Variants in CLIC5 observed in about 807,000 individuals in gnomAD.
CLIC5 encodes the protein CLIC family member 5, also known as chloride intracellular channel protein 5.
CLIC5 carries 20 observed loss-of-function variants against 24.7 expected under a neutral mutation model. The ratio of observed to expected loss-of-function variants is 0.81; its 90% confidence interval spans 0.57 to 1.18. The LOEUF is 1.18. Among genes scored for constraint, CLIC5 ranks in the 50% most tolerant of loss-of-function variants. The pLI is 0.00. For synonymous variants in CLIC5, 159 were observed against 135.6 expected, an observed-to-expected ratio of 1.17 and a Z score of -1.20; for missense variants, 341 against 326.1, an observed-to-expected ratio of 1.05 and a Z score of -0.35.
the CLIC5 span, among the ~76,000 whole-genome samples, chr6:46,113,541 TTA>T: frequency 6.6e-6 from 1 of 152,100 alleles, no homozygotes; most frequent in Non-Finnish European, 1.5e-5. Flanking sequence ...ATGTGAGCAG[TTA>T]TATGACACCG....
the CLIC5 span, chr6:46,122,810 C>T: frequency 6.6e-6 from 1 of 152,168 alleles, no homozygotes; most frequent in Non-Finnish European, 1.5e-5. Context: ...CACCTCTATG[C>T]AAATAAACTA....
intron 6 of CLIC5, among the ~76,000 whole-genome samples, chr6:45,888,674 T>C (rs1177953997): frequency 6.6e-6 from 1 of 152,222 alleles, no homozygotes; most frequent in Non-Finnish European, 1.5e-5. Flanking sequence ...CTGTAGCATA[T>C]TTACATGACT....
intron 5 of CLIC5, among the ~76,000 whole-genome samples, chr6:45,906,048 C>G (rs1762651174): frequency 6.6e-6 from 1 of 152,164 alleles, no homozygotes; most frequent in Non-Finnish European, 1.5e-5. Flanking sequence ...TCTGGGTTCT[C>G]TTTTCTGTTC....
chr6:45,925,566 T>C (rs1253681798), intron 4 of CLIC5, among the ~76,000 whole-genome samples: 1 of 152,192 alleles, frequency 6.6e-6, no homozygotes, highest in Non-Finnish European at 1.5e-5. Context: ...CCGCCTGCCC[T>C]GGCCTCCCAA....
At chr6:46,084,852 A>G (rs1160621893), upstream of CLIC5, among the ~76,000 whole-genome samples, 1 of 152,190 alleles carries the variant, frequency 6.6e-6, no homozygotes, top group Admixed American at 6.5e-5. Context: ...TCTCCTGGAT[A>G]ATATCCTGCA....
chr6:46,074,058 A>G (rs1301321526), intron 1 of CLIC5, among the ~76,000 whole-genome samples: 1 of 152,188 alleles, frequency 6.6e-6, no homozygotes, highest in East Asian at 1.9e-4. Context: ...CATAGCAGAA[A>G]AGGAAGGAAA....
At chr6:45,927,760 A>T (rs1226367570) in intron 4 of CLIC5, among the ~76,000 whole-genome samples, 1 of 152,154 alleles carries the variant, frequency 6.6e-6, no homozygotes, top group Non-Finnish European at 1.5e-5. Flanking sequence ...TTTGATGAGG[A>T]TGCTGTGAAA....
At chr6:45,882,166 A>T (rs1332488218) in intron 6 of CLIC5, among the ~76,000 whole-genome samples, 1 of 152,198 alleles carries the variant, frequency 6.6e-6, no homozygotes, top group East Asian at 1.9e-4. Flanking sequence ...GAGACTCCCA[A>T]TTACCAAAAA....
intron 4 of CLIC5, chr6:45,918,824 T>G: frequency 5.2e-6 from 2 of 387,050 alleles, no homozygotes; most frequent in Non-Finnish European, 7.1e-6. Flanking sequence ...ATTCCCGCAG[T>G]GAGCTAGGGA....
At chr6:45,980,628 G>A (rs1469314422) in intron 1 of CLIC5, among the ~76,000 whole-genome samples, 3 of 151,764 alleles carry the variant, frequency 2.0e-5, no homozygotes, top group African/African-American at 4.8e-5. Context: ...AATACTTAAT[G>A]TTAAGGGAAA....
At chr6:46,035,888 G>A (rs1581887218) in intron 1 of CLIC5, among the ~76,000 whole-genome samples, 1 of 152,074 alleles carries the variant, frequency 6.6e-6, no homozygotes, top group African/African-American at 2.4e-5. Context: ...GGGACTACAG[G>A]TGCGTGCCAC....
At chr6:46,046,856 C>A (rs1767967648) in intron 1 of CLIC5, among the ~76,000 whole-genome samples, 1 of 152,102 alleles carries the variant, frequency 6.6e-6, no homozygotes, top group Non-Finnish European at 1.5e-5. Context: ...ATTGATTTGA[C>A]AATTTAATAA....
At chr6:45,952,516 T>A (rs550798923) in intron 2 of CLIC5, among the ~76,000 whole-genome samples, 1 of 152,230 alleles carries the variant, frequency 6.6e-6, no homozygotes, top group African/African-American at 2.4e-5. Context: ...AAGAAGACAC[T>A]GTCTCCATTG....
At chr6:46,032,771 G>T (rs550609935) in intron 1 of CLIC5, among the ~76,000 whole-genome samples, 4 of 152,232 alleles carry the variant, frequency 2.6e-5, no homozygotes, top group Admixed American at 2.0e-4. Flanking sequence ...AACTTAGTGA[G>T]CTACTCGGGC....
chr6:46,080,262 C>A, exon 1 of CLIC5: 1 of 1,542,838 alleles, frequency 6.5e-7, no homozygotes, highest in African/African-American at 1.4e-5. Flanking sequence ...TCCGAGAGAT[C>A]TGTTTACAGG....
intron 1 of CLIC5, among the ~76,000 whole-genome samples, chr6:45,977,840 T>C (rs2127410708): frequency 6.6e-6 from 1 of 152,364 alleles, no homozygotes; most frequent in South Asian, 2.1e-4. Flanking sequence ...GTATAGTTCA[T>C]TTCATTCATT....
intron 4 of CLIC5, among the ~76,000 whole-genome samples, chr6:45,928,748 AAC>A (rs1400862492): frequency 6.7e-6 from 1 of 149,124 alleles, no homozygotes; most frequent in Non-Finnish European, 1.5e-5. Flanking sequence ...AGAACATCAG[AAC>A]ACACACGAAG....
At chr6:46,050,902 G>A (rs182934279) in intron 1 of CLIC5, among the ~76,000 whole-genome samples, 10 of 151,112 alleles carry the variant, frequency 6.6e-5, no homozygotes, top group Admixed American at 6.0e-4. Context: ...GAATCTTTGA[G>A]GTGAAAGGAC....
At chr6:45,894,658 A>G (rs1188890089), downstream of CLIC5, among the ~76,000 whole-genome samples, 1 of 152,248 alleles carries the variant, frequency 6.6e-6, no homozygotes, top group African/African-American at 2.4e-5. Flanking sequence ...AAAGAAGAAC[A>G]TCTTCTTGAC....
Sources: gnomAD v4.1 joint callset for allele counts (sites outside exome capture counted in the v4.1 genomes callset) on GRCh38, gnomAD v4.1.1 for gene constraint, MANE v1.5 for transcripts, NCBI Gene and HGNC (gene_info 2026-07-23, HGNC 2026-07-21) for gene names.